PARD3B: variants seen among roughly 807,000 people sequenced by gnomAD.
PARD3B encodes par-3 family cell polarity regulator beta, also known as partitioning defective 3 homolog B.
Under a neutral mutation model 130.2 loss-of-function variants are expected in PARD3B, and 103 were observed. The observed-to-expected ratio is 0.79, with a 90% confidence interval of 0.67 to 0.93. The LOEUF (loss-of-function observed/expected upper bound fraction) is 0.93. PARD3B is among the 40% of genes least tolerant of loss of function. The probability of loss-of-function intolerance (pLI) is 0.00; values close to 1 mark genes in which losing one functional copy is unlikely to be tolerated. For missense variants in PARD3B, 1,609 were observed against 1,499.2 expected (o/e 1.07, Z -1.21); for synonymous variants, 583 against 553.2 (o/e 1.05, Z -0.76).
intron 2 of PARD3B, among the ~76,000 whole-genome samples, chr2:204,948,949 T>C (rs747112657): frequency 6.6e-6 from 1 of 152,162 alleles, no homozygotes; most frequent in Non-Finnish European, 1.5e-5. Flanking sequence ...TGAACTAAAG[T>C]TGATGAACTG....
intron 1 of PARD3B, among the ~76,000 whole-genome samples, chr2:204,679,968 C>T (rs2036746095): frequency 6.6e-6 from 1 of 151,988 alleles, no homozygotes; most frequent in Non-Finnish European, 1.5e-5. Flanking sequence ...TTTTTACCTA[C>T]ATATGTAGAT....
chr2:205,583,474 CATG>C lies in PARD3B; in HGVS notation c.3260+30075_3260+30077del, dbSNP rs796890921. Among the ~76,000 whole-genome samples, 7 of 152,066 alleles carry C rather than the reference CATG, an allele frequency of 4.6e-5. No homozygotes were observed. The South Asian group carries it at 1.5e-3, about 32-fold the overall frequency. ...TCTGGATTGCCTTGAGAATAGACAT[CATG>C]ATGGTGGTGGTGGTGATGAAGAGGA... On this transcript the variant is annotated intron_variant, in intron 22 of 22. Coordinates refer to ENST00000406610, the MANE Select transcript of PARD3B (RefSeq NM_001302769.2).
At chr2:205,583,161 G>T (rs2054057670) in intron 22 of PARD3B, among the ~76,000 whole-genome samples, 2 of 152,212 alleles carry the variant, frequency 1.3e-5, no homozygotes, top group African/African-American at 4.8e-5. Flanking sequence ...TTAGAGCATA[G>T]CAAGTGGTTT....
chr2:204,945,000 G>T (rs1270419609), intron 2 of PARD3B, among the ~76,000 whole-genome samples: 1 of 152,200 alleles, frequency 6.6e-6, no homozygotes, highest in South Asian at 2.1e-4. Flanking sequence ...GGAATATCCT[G>T]GGATGGGGAC....
At chr2:204,828,308 A>G (rs1355569163) in intron 2 of PARD3B, among the ~76,000 whole-genome samples, 1 of 151,170 alleles carries the variant, frequency 6.6e-6, no homozygotes, top group East Asian at 1.9e-4. Flanking sequence ...CTTCCTTTCA[A>G]TCTCCTTTTC....
intron 4 of PARD3B, among the ~76,000 whole-genome samples, chr2:205,099,594 A>G: frequency 6.6e-6 from 1 of 152,202 alleles, no homozygotes; most frequent in Non-Finnish European, 1.5e-5. Flanking sequence ...TAATTTTTGG[A>G]AAAAATGATT....
intron 1 of PARD3B, among the ~76,000 whole-genome samples, chr2:204,612,862 T>G (rs903723376): frequency 1.3e-5 from 2 of 151,542 alleles, no homozygotes; most frequent in African/African-American, 4.8e-5. Flanking sequence ...CCTTTTCAGG[T>G]GATCTATGAT....
At chr2:204,717,689 C>T (rs2038793707) in intron 2 of PARD3B, among the ~76,000 whole-genome samples, 1 of 152,070 alleles carries the variant, frequency 6.6e-6, no homozygotes, top group African/African-American at 2.4e-5. Flanking sequence ...AGGCAGGTGG[C>T]TGGGTAGTCA....
chr2:204,634,491 G>A (rs2034801814), intron 1 of PARD3B, among the ~76,000 whole-genome samples: 1 of 152,162 alleles, frequency 6.6e-6, no homozygotes, highest in Non-Finnish European at 1.5e-5. Flanking sequence ...CAAGGACCAT[G>A]CATTGCAGGT....
At chr2:204,872,677 G>T (rs757773855) in intron 2 of PARD3B, among the ~76,000 whole-genome samples, 1 of 152,156 alleles carries the variant, frequency 6.6e-6, no homozygotes, top group African/African-American at 2.4e-5. Flanking sequence ...AAATTCTTCT[G>T]TGTGTTTCTC....
chr2:205,161,315 C>T (rs1396309576), intron 11 of PARD3B, among the ~76,000 whole-genome samples: 1 of 152,038 alleles, frequency 6.6e-6, no homozygotes, highest in African/African-American at 2.4e-5. Context: ...AATTTCTTTC[C>T]TGACACTGGT....
intron 2 of PARD3B, among the ~76,000 whole-genome samples, chr2:204,860,976 A>AATG (rs2045160215): frequency 1.3e-5 from 2 of 152,166 alleles, no homozygotes; most frequent in East Asian, 3.9e-4. Flanking sequence ...TTTCCCTGCA[A>AATG]ATGCTATACA....
chr2:205,518,254 G>A (rs1308496967), intron 21 of PARD3B, among the ~76,000 whole-genome samples: 1 of 152,224 alleles, frequency 6.6e-6, no homozygotes, highest in Non-Finnish European at 1.5e-5. Context: ...TTATGAATCT[G>A]GCTGCTACTG....
At chr2:205,342,601 C>T (rs948802507) in intron 18 of PARD3B, among the ~76,000 whole-genome samples, 4 of 152,092 alleles carry the variant, frequency 2.6e-5, no homozygotes, top group Admixed American at 2.6e-4. Context: ...GCATATGCAG[C>T]TGTATGACCA....
At chr2:205,384,914 G>T (rs897552023) in intron 18 of PARD3B, among the ~76,000 whole-genome samples, 2 of 152,016 alleles carry the variant, frequency 1.3e-5, no homozygotes, top group African/African-American at 4.8e-5. Context: ...GTTTCTGGGA[G>T]ATCTTCCTTT....
chr2:205,104,045 G>A (rs532788486), intron 4 of PARD3B, among the ~76,000 whole-genome samples: 29 of 152,198 alleles, frequency 1.9e-4, no homozygotes, highest in African/African-American at 6.7e-4. Context: ...TGTTGTGAGG[G>A]GCAAGCAAGT....
At chr2:205,037,696 ATC>A (rs1698105832) in intron 3 of PARD3B, among the ~76,000 whole-genome samples, 1 of 150,954 alleles carries the variant, frequency 6.6e-6, no homozygotes, top group African/African-American at 2.4e-5. Flanking sequence ...TATATGATAT[ATC>A]TCTGACTCAG....
rs994167553 is a variant in PARD3B, at chr2:205,142,580, G to C, written c.1435-16142G>C. On this transcript the variant is annotated intron_variant, in intron 10 of 22. Coordinates refer to ENST00000406610, the MANE Select transcript of PARD3B (RefSeq NM_001302769.2). The surrounding 1 kb of genome is among the most constrained non-coding windows in gnomAD (Gnocchi z 4.3). ...TTGATGAGATCACAGTGGTATAGCA[G>C]AGTTAAGATAGACAGGCAACCAGGC... Among the ~76,000 whole-genome samples, 3 of 152,052 alleles carry C rather than the reference G, an allele frequency of 2.0e-5. No homozygotes were observed. Among genetic ancestry groups the C allele is most frequent in the Admixed American group, 6.6e-5 (1 of 15,242 alleles).
At chr2:204,551,573 C>A (rs2030463065) in intron 1 of PARD3B, among the ~76,000 whole-genome samples, 1 of 152,138 alleles carries the variant, frequency 6.6e-6, no homozygotes, top group Admixed American at 6.5e-5. Context: ...CTCCCTCTCA[C>A]ACACACATCC....
Sources: gnomAD v4.1 joint callset for allele counts (sites outside exome capture counted in the v4.1 genomes callset) on GRCh38, gnomAD v4.1.1 for gene constraint, Gnocchi (gnomAD v3.1) non-coding constraint, MANE v1.5 for transcripts, NCBI Gene and HGNC (gene_info 2026-07-23, HGNC 2026-07-21) for gene names.